The following SUMF1 variants were observed in gnomAD, a reference collection of about 807,000 sequenced individuals.
The protein encoded by SUMF1 is sulfatase modifying factor 1.
Under a neutral mutation model 47.6 loss-of-function variants are expected in SUMF1, and 48 were observed. That is an observed-to-expected ratio of 1.01 (90% CI 0.80 to 1.28). The LOEUF (loss-of-function observed/expected upper bound fraction) is 1.28, where lower values mean the gene tolerates loss of function less well. Ranked by LOEUF, SUMF1 falls within the 50% of genes most tolerant of loss-of-function variation. The probability of loss-of-function intolerance (pLI) is 0.00; values close to 1 mark genes in which losing one functional copy is unlikely to be tolerated. For synonymous variants in SUMF1, 230 were observed against 192.1 expected, an observed-to-expected ratio of 1.20 and a Z score of -1.63; for missense variants, 571 against 485.4, an observed-to-expected ratio of 1.18 and a Z score of -1.66.
At chr3:4,143,360 C>A (rs1012222444) in intron 8 of SUMF1, among the ~76,000 whole-genome samples, 1 of 152,052 alleles carries the variant, frequency 6.6e-6, no homozygotes, top group African/African-American at 2.4e-5. Flanking sequence ...TCCCAGGTAA[C>A]CCTCACTACA....
At chr3:4,241,063 A>G (rs968408573) in intron 8 of SUMF1, among the ~76,000 whole-genome samples, 15 of 152,116 alleles carry the variant, frequency 9.9e-5, no homozygotes, top group African/African-American at 3.6e-4. Context: ...GAAAGTAATT[A>G]GTAGTGGTTG....
chr3:4,283,705 G>A (rs1306297459), intron 8 of SUMF1, among the ~76,000 whole-genome samples: 1 of 152,070 alleles, frequency 6.6e-6, no homozygotes, highest in Non-Finnish European at 1.5e-5. Context: ...CACCAGAAAG[G>A]GATTGACTTA....
chr3:4,392,226 T>G (rs1246357266), intron 7 of SUMF1, among the ~76,000 whole-genome samples: 1 of 152,214 alleles, frequency 6.6e-6, no homozygotes, highest in Non-Finnish European at 1.5e-5. Context: ...TCATTTCAGT[T>G]AGTAGTATAC....
rs139954416 is a variant in SUMF1 at position 4,327,604 on chromosome 3, T to C, written c.1014+48726A>G. Among the ~76,000 whole-genome samples the C allele has an allele frequency of 1.1e-4, 17 of 151,844 alleles. No individual in the cohort carries two copies. In the East Asian group the frequency reaches 2.9e-3, roughly 26 times the overall value. ...TGATAACATTAAGACAGCAGAATTA[T>C]AGGAATCTTATACAATTTTGGAACA... On this transcript the variant is annotated intron_variant and NMD_transcript_variant, in intron 8 of 12. Transcript: ENST00000448413.
chr3:4,303,209 C>A, intron 8 of SUMF1: 1 of 637,238 alleles, frequency 1.6e-6, no homozygotes, highest in Non-Finnish European at 2.5e-6. Flanking sequence ...AAAACGGGAG[C>A]CAGACCCAAA....
intron 8 of SUMF1, among the ~76,000 whole-genome samples, chr3:4,103,444 G>T (rs1693083997): frequency 6.6e-6 from 1 of 152,034 alleles, no homozygotes; most frequent in Non-Finnish European, 1.5e-5. Context: ...AAGGTTTTAT[G>T]AAATGGAGGG....
chr3:4,114,686 G>A (rs1295373084), intron 8 of SUMF1, among the ~76,000 whole-genome samples: 2 of 152,012 alleles, frequency 1.3e-5, no homozygotes. Flanking sequence ...GGAGGTGATG[G>A]GACACTGGGG....
At chr3:4,187,253 C>T (rs890820047) in intron 8 of SUMF1, among the ~76,000 whole-genome samples, 2 of 152,246 alleles carry the variant, frequency 1.3e-5, no homozygotes, top group East Asian at 3.9e-4. Context: ...CCTGCAGTCC[C>T]AGCTACTCAG....
intron 8 of SUMF1, among the ~76,000 whole-genome samples, chr3:4,080,926 C>A (rs886510701): frequency 6.6e-6 from 1 of 152,106 alleles, no homozygotes; most frequent in Admixed American, 6.6e-5. Context: ...CACTTCCTAG[C>A]TGGTGACCAT....
At chr3:4,101,447 T>A in intron 8 of SUMF1, among the ~76,000 whole-genome samples, 1 of 151,878 alleles carries the variant, frequency 6.6e-6, no homozygotes, top group East Asian at 1.9e-4. Flanking sequence ...AAAAGTCAAA[T>A]TTATAGAAGT....
At chr3:4,119,432 C>A (rs556522781) in intron 8 of SUMF1, among the ~76,000 whole-genome samples, 2 of 152,218 alleles carry the variant, frequency 1.3e-5, no homozygotes, top group East Asian at 3.9e-4. Flanking sequence ...TACACAGAAC[C>A]TGTGCCCCAG....
intron 8 of SUMF1, among the ~76,000 whole-genome samples, chr3:4,082,091 T>C (rs1046459229): frequency 2.6e-5 from 4 of 152,174 alleles, no homozygotes; most frequent in East Asian, 1.9e-4. Context: ...TGGGAAAATA[T>C]TAACATTTGG....
chr3:4,064,119 C>A (rs1695329113), intron 9 of SUMF1, among the ~76,000 whole-genome samples: 1 of 152,038 alleles, frequency 6.6e-6, no homozygotes, highest in South Asian at 2.1e-4. Context: ...ACCTACTGAG[C>A]CGCATTCCCC....
intron 8 of SUMF1, among the ~76,000 whole-genome samples, chr3:4,312,047 GAC>G: frequency 6.6e-6 from 1 of 152,084 alleles, no homozygotes; most frequent in African/African-American, 2.4e-5. Context: ...ACATTTAAAT[GAC>G]AGATTTTTTT....
intron 8 of SUMF1, among the ~76,000 whole-genome samples, chr3:4,142,034 G>A (rs1394035346): frequency 1.3e-5 from 2 of 152,092 alleles, no homozygotes; most frequent in African/African-American, 4.8e-5. Context: ...CTGTGTGCAT[G>A]AATGATTTTG....
intron 8 of SUMF1, among the ~76,000 whole-genome samples, chr3:4,305,021 A>G (rs1054281158): frequency 1.3e-5 from 2 of 152,042 alleles, no homozygotes; most frequent in South Asian, 2.1e-4. Context: ...CTGGTTAACA[A>G]TTTTTCTGGT....
At chr3:4,453,605 C>T (rs1006574410) in intron 1 of SUMF1, among the ~76,000 whole-genome samples, 1 of 151,148 alleles carries the variant, frequency 6.6e-6, no homozygotes, top group Admixed American at 6.6e-5. Context: ...ACAATCACGG[C>T]TCACTGCAAC....
At chr3:4,308,348 T>A (rs1698273331) in intron 8 of SUMF1, among the ~76,000 whole-genome samples, 1 of 152,230 alleles carries the variant, frequency 6.6e-6, no homozygotes. Flanking sequence ...TAGAGTAAGC[T>A]TTTTAAGCCA....
At chr3:4,326,730 A>G (rs575604478) in intron 8 of SUMF1, among the ~76,000 whole-genome samples, 3 of 152,046 alleles carry the variant, frequency 2.0e-5, no homozygotes, top group Non-Finnish European at 4.4e-5. Flanking sequence ...CATGTTGCCC[A>G]GGCTGGTCTC....
Sources: allele counts gnomAD v4.1 joint callset (sites outside exome capture counted in the v4.1 genomes callset), GRCh38; gene constraint gnomAD v4.1.1; transcripts MANE v1.5; gene names NCBI Gene and HGNC (gene_info 2026-07-23, HGNC 2026-07-21).